PTPRN2: variants seen among roughly 807,000 people sequenced by gnomAD.
PTPRN2 encodes the protein receptor-type tyrosine-protein phosphatase N2.
Under a neutral mutation model 118.8 loss-of-function variants are expected in PTPRN2, and 74 were observed. The observed-to-expected ratio is 0.62, with a 90% CI of 0.52 to 0.76. The LOEUF (loss-of-function observed/expected upper bound fraction) is 0.76. PTPRN2 is among the 30% of genes least tolerant of loss of function. PTPRN2 has a pLI of 0.00. For missense variants in PTPRN2, 1,481 were observed against 1,394.4 expected (o/e 1.06, Z -0.99); for synonymous variants, 641 against 608.0 (o/e 1.05, Z -0.80).
chr7:158,182,220 T>TA (rs1824774738), intron 5 of PTPRN2, among the ~76,000 whole-genome samples: 1 of 152,248 alleles, frequency 6.6e-6, no homozygotes, highest in Admixed American at 6.5e-5. Context: ...TTGTGTAGTT[T>TA]AAAAAATTCC....
chr7:157,680,508 C>G (rs550077713), intron 13 of PTPRN2, among the ~76,000 whole-genome samples: 2 of 152,210 alleles, frequency 1.3e-5, no homozygotes, highest in Admixed American at 6.5e-5. Context: ...TTCCTTGTAA[C>G]CGCAATTGTC....
At chr7:158,301,459 G>C in intron 3 of PTPRN2, among the ~76,000 whole-genome samples, 1 of 152,314 alleles carries the variant, frequency 6.6e-6, no homozygotes, top group Admixed American at 6.5e-5. Context: ...CTTAGCTCCC[G>C]AGGTGCTTAG....
At chr7:157,889,095 A>G (rs767587955) in intron 12 of PTPRN2, among the ~76,000 whole-genome samples, 7 of 152,170 alleles carry the variant, frequency 4.6e-5, no homozygotes, top group Non-Finnish European at 7.4e-5. Context: ...ACAAAGGAAA[A>G]AACTCACTTG....
intron 11 of PTPRN2, among the ~76,000 whole-genome samples, chr7:158,049,907 A>G (rs1013861712): frequency 3.9e-5 from 6 of 152,172 alleles, no homozygotes; most frequent in Non-Finnish European, 7.3e-5. Context: ...CATCTCAAAA[A>G]AAAAAATGCA....
At chr7:158,447,363 TG>T (rs1817792046) in intron 2 of PTPRN2, among the ~76,000 whole-genome samples, 1 of 151,902 alleles carries the variant, frequency 6.6e-6, no homozygotes, top group Admixed American at 6.6e-5. Flanking sequence ...ATTCCCCAAA[TG>T]GAATTCTTTG....
intron 3 of PTPRN2, among the ~76,000 whole-genome samples, chr7:158,296,288 A>AGT (rs1293037441): frequency 6.6e-6 from 1 of 152,124 alleles, no homozygotes; most frequent in Non-Finnish European, 1.5e-5. Flanking sequence ...GAACTCACTG[A>AGT]CAGGCACCAG....
chr7:158,239,526 A>C (rs1187059738), intron 3 of PTPRN2, among the ~76,000 whole-genome samples: 1 of 152,084 alleles, frequency 6.6e-6, no homozygotes, highest in African/African-American at 2.4e-5. Context: ...TTTCCTCCCC[A>C]TTCTCACAGC....
intron 10 of PTPRN2, among the ~76,000 whole-genome samples, chr7:158,097,949 C>T (rs1814776768): frequency 6.6e-6 from 1 of 152,222 alleles, no homozygotes; most frequent in African/African-American, 2.4e-5. Flanking sequence ...CCAGAACATG[C>T]TCTGACAGGC....
intron 13 of PTPRN2, among the ~76,000 whole-genome samples, chr7:157,657,331 A>G (rs1795577758): frequency 7.2e-6 from 1 of 137,934 alleles, no homozygotes; most frequent in Non-Finnish European, 1.5e-5. Flanking sequence ...TCACACATAT[A>G]CACACACATA....
intron 3 of PTPRN2, among the ~76,000 whole-genome samples, chr7:158,305,352 T>C (rs1286505824): frequency 1.3e-5 from 2 of 152,258 alleles, no homozygotes; most frequent in East Asian, 3.9e-4. Flanking sequence ...TTCATTTTTA[T>C]ATTAGACAAA....
chr7:158,569,635 G>A (rs1827864046), intron 1 of PTPRN2, among the ~76,000 whole-genome samples: 1 of 151,602 alleles, frequency 6.6e-6, no homozygotes, highest in Non-Finnish European at 1.5e-5. Flanking sequence ...GCACAAGGCT[G>A]CCCAACAAGA....
At chr7:158,466,040 A>G (rs1208570052) in intron 2 of PTPRN2, among the ~76,000 whole-genome samples, 2 of 152,202 alleles carry the variant, frequency 1.3e-5, no homozygotes, top group African/African-American at 4.8e-5. Flanking sequence ...GCAGATAACA[A>G]AATCCAACTC....
intron 11 of PTPRN2, among the ~76,000 whole-genome samples, chr7:157,983,669 T>G (rs966099002): frequency 1.3e-5 from 2 of 152,174 alleles, no homozygotes; most frequent in African/African-American, 4.8e-5. Flanking sequence ...GAGTAGCGTG[T>G]GTGTGTGCAC....
intron 11 of PTPRN2, among the ~76,000 whole-genome samples, chr7:158,025,179 G>A (rs543548614): frequency 6.6e-6 from 1 of 152,256 alleles, no homozygotes; most frequent in Admixed American, 6.5e-5. Flanking sequence ...GAAGAGAAAG[G>A]CATCATTTCA....
At chr7:158,194,479 G>C (rs1242041619) in intron 4 of PTPRN2, among the ~76,000 whole-genome samples, 3 of 152,196 alleles carry the variant, frequency 2.0e-5, no homozygotes. Flanking sequence ...TTCCCGCTGA[G>C]AGCCATGCTC....
At chr7:158,250,820 G>C (rs1796607019) in intron 3 of PTPRN2, among the ~76,000 whole-genome samples, 1 of 152,164 alleles carries the variant, frequency 6.6e-6, no homozygotes, top group Non-Finnish European at 1.5e-5. Flanking sequence ...AGTCATAAAT[G>C]TGTCCTCCTA....
At position 157,729,786 on chromosome 7, in the gene PTPRN2, C is replaced by T. The variant is rs1211879413; in HGVS notation, c.1789-46849G>A. 6.6e-6 allele frequency among the ~76,000 whole-genome samples: 1 copy of T among 152,168 alleles called. No individual in the cohort carries two copies. Among genetic ancestry groups the T allele is most frequent in the Non-Finnish European group, 1.5e-5 (1 of 68,014 alleles). ...GTGCCCAGGTAGTGACTGCACCACA[C>T]CCATAAGGGCCACCTGCTGGCCACG... On this transcript the variant is annotated intron_variant, in intron 12 of 22. Coordinates refer to ENST00000389418, the MANE Select transcript of PTPRN2 (RefSeq NM_002847.5). This position sits in a 1 kb window ranked among gnomAD's most constrained non-coding sequence, Gnocchi z 4.3.
At chr7:157,728,979 C>T (rs907553924) in intron 12 of PTPRN2, among the ~76,000 whole-genome samples, 9 of 152,162 alleles carry the variant, frequency 5.9e-5, no homozygotes, top group East Asian at 1.9e-4. Context: ...GGCGCTGACC[C>T]GGGGCCAGGG....
At position 158,587,613 on chromosome 7, in the gene PTPRN2, G is replaced by A. The variant is rs1340274243; in HGVS notation, c.57C>T (p.Val19=). ...LLLLLLLPPR[V]LPAAPSSVPR... is the part of the protein sequence containing the mutation. ...GGACGGACGAAGGGGCGGCAGGCAGGACGCGTGGCGGCAGCAGCAGCAGTA... is the reference window on the plus strand; with the variant it reads ...GGACGGACGAAGGGGCGGCAGGCAGAACGCGTGGCGGCAGCAGCAGCAGTA... The change falls in exon 1 of 23, where the codon GTC becomes GTT. Residue 19 remains valine (V), a synonymous_variant. Coordinates refer to ENST00000389418, the MANE Select transcript of PTPRN2 (RefSeq NM_002847.5). 2.9e-6 allele frequency: 4 copies of A among 1,361,122 alleles called. No homozygotes were observed. Among genetic ancestry groups the A allele is most frequent in the African/African-American group, 3.1e-5 (2 of 65,118 alleles). 84.3% of individuals were successfully genotyped at this position (1,361,122 alleles called of 1,614,324 possible). A position where few individuals can be genotyped will look rare whatever the true frequency, so the allele number is the denominator to read the frequency against.
Sources: gnomAD v4.1 joint callset for allele counts (sites outside exome capture counted in the v4.1 genomes callset) on GRCh38, gnomAD v4.1.1 for gene constraint, Gnocchi (gnomAD v3.1) non-coding constraint, MANE v1.5 for transcripts, NCBI Gene and HGNC (gene_info 2026-07-23, HGNC 2026-07-21) for gene names.